The following MARCHF11 variants were observed in gnomAD, a reference collection of about 807,000 sequenced individuals.
MARCHF11 encodes membrane associated ring-CH-type finger 11.
MARCHF11 carries 29 observed loss-of-function variants against 37.3 expected under a neutral mutation model. The ratio of observed to expected loss-of-function variants is 0.78; its 90% confidence interval spans 0.58 to 1.06. The LOEUF is 1.06. Ranked by LOEUF, MARCHF11 falls within the 50% of genes least tolerant of loss-of-function variation. The probability of loss-of-function intolerance (pLI) is 0.00; values close to 1 mark genes in which losing one functional copy is unlikely to be tolerated. For synonymous variants in MARCHF11, 233 were observed against 228.0 expected (o/e 1.02, Z -0.20); for missense variants, 482 against 533.4 (o/e 0.90, Z 0.95).
intron 2 of MARCHF11, among the ~76,000 whole-genome samples, chr5:16,118,278 G>A (rs948457705): frequency 2.6e-5 from 4 of 152,300 alleles, no homozygotes; most frequent in African/African-American, 4.8e-5. Flanking sequence ...CAAGCTAATC[G>A]GGGAACCAAT....
chr5:16,084,430 G>A (rs2126551976), intron 3 of MARCHF11, among the ~76,000 whole-genome samples: 1 of 152,272 alleles, frequency 6.6e-6, no homozygotes, highest in East Asian at 1.9e-4. Context: ...GTCACTTGAG[G>A]TCAGGAGTTG....
intron 2 of MARCHF11, among the ~76,000 whole-genome samples, chr5:16,141,769 A>T (rs1737712187): frequency 6.6e-6 from 1 of 152,216 alleles, no homozygotes; most frequent in African/African-American, 2.4e-5. Flanking sequence ...CAAAAACAAA[A>T]ACAAAAACAA....
chr5:16,085,784 C>G (rs1736686681), intron 3 of MARCHF11, among the ~76,000 whole-genome samples: 2 of 151,692 alleles, frequency 1.3e-5, no homozygotes, highest in South Asian at 4.2e-4. Context: ...AACCCCGTCT[C>G]TACTAAAAAT....
At chr5:16,148,165 G>A (rs896863289) in intron 2 of MARCHF11, among the ~76,000 whole-genome samples, 8 of 152,020 alleles carry the variant, frequency 5.3e-5, no homozygotes, top group South Asian at 2.1e-4. Flanking sequence ...ATAAATGATC[G>A]GAGGAGGAAT....
intron 2 of MARCHF11, among the ~76,000 whole-genome samples, chr5:16,167,554 C>T (rs1009948865): frequency 2.0e-5 from 3 of 152,032 alleles, no homozygotes; most frequent in African/African-American, 7.2e-5. Flanking sequence ...TTCGAGTGTG[C>T]TTTATCGGTC....
chr5:16,080,322 C>T (rs1170753413), intron 3 of MARCHF11, among the ~76,000 whole-genome samples: 1 of 152,140 alleles, frequency 6.6e-6, no homozygotes, highest in African/African-American at 2.4e-5. Flanking sequence ...TGCCTGACCC[C>T]ACTCCTTTTC....
intron 3 of MARCHF11, among the ~76,000 whole-genome samples, chr5:16,076,947 T>C (rs1031429845): frequency 6.6e-6 from 1 of 152,194 alleles, no homozygotes; most frequent in African/African-American, 2.4e-5. Flanking sequence ...TAAATTAAAA[T>C]CTCTTTTCTG....
intron 1 of MARCHF11, 64 bp from the exon 2 acceptor site, chr5:16,177,945 T>C: frequency 6.9e-7 from 1 of 1,456,256 alleles, no homozygotes. Context: ...AACCTAATGC[T>C]TCCTTTCTTT....
At chr5:16,142,142 G>T (rs1737716757) in intron 2 of MARCHF11, among the ~76,000 whole-genome samples, 1 of 152,170 alleles carries the variant, frequency 6.6e-6, no homozygotes. Context: ...CACTTGAAGG[G>T]CTGGCTTCAC....
At chr5:16,073,417 G>A (rs1295621793) in intron 3 of MARCHF11, among the ~76,000 whole-genome samples, 1 of 152,094 alleles carries the variant, frequency 6.6e-6, no homozygotes, top group Non-Finnish European at 1.5e-5. Flanking sequence ...GAGTGTAGAG[G>A]TAATCACTTT....
chr5:16,110,562 T>C (rs1194441722), intron 2 of MARCHF11, among the ~76,000 whole-genome samples: 3 of 152,200 alleles, frequency 2.0e-5, no homozygotes, highest in Non-Finnish European at 1.5e-5. Flanking sequence ...CTTTTAAATA[T>C]GTTTTTTAGA....
chr5:16,106,700 T>C (rs1737046458), intron 2 of MARCHF11, among the ~76,000 whole-genome samples: 1 of 152,182 alleles, frequency 6.6e-6, no homozygotes, highest in Non-Finnish European at 1.5e-5. Context: ...TATTTTTTGT[T>C]GTCATTACTG....
intron 2 of MARCHF11, among the ~76,000 whole-genome samples, chr5:16,096,898 C>A (rs1051879254): frequency 6.6e-6 from 1 of 152,166 alleles, no homozygotes; most frequent in African/African-American, 2.4e-5. Flanking sequence ...ATAGCACATG[C>A]GCAGAGGGAA....
intron 3 of MARCHF11, among the ~76,000 whole-genome samples, chr5:16,077,372 TTAA>T (rs1042798372): frequency 1.3e-5 from 2 of 152,178 alleles, no homozygotes; most frequent in Admixed American, 6.5e-5. Flanking sequence ...AAAAACGATT[TTAA>T]TAATTTTCAC....
chr5:16,114,335 T>C (rs1031155742), intron 2 of MARCHF11, among the ~76,000 whole-genome samples: 1 of 152,196 alleles, frequency 6.6e-6, no homozygotes, highest in Non-Finnish European at 1.5e-5. Flanking sequence ...AGCTAGTTTA[T>C]AATGTAACAA....
intron 2 of MARCHF11, among the ~76,000 whole-genome samples, chr5:16,172,103 C>T (rs963128376): frequency 6.6e-6 from 1 of 152,086 alleles, no homozygotes; most frequent in Non-Finnish European, 1.5e-5. Flanking sequence ...GCTCCTTTTA[C>T]CAGTGTTTCA....
intron 2 of MARCHF11, among the ~76,000 whole-genome samples, chr5:16,124,194 G>T (rs1737361532): frequency 6.6e-6 from 1 of 152,092 alleles, no homozygotes; most frequent in Non-Finnish European, 1.5e-5. Flanking sequence ...GAATTTACGA[G>T]AAGTTGTAAG....
chr5:16,120,568 A>G (rs565877369), intron 2 of MARCHF11, among the ~76,000 whole-genome samples: 1 of 152,370 alleles, frequency 6.6e-6, no homozygotes, highest in South Asian at 2.1e-4. Flanking sequence ...GTAAACTTAC[A>G]TTCACACCTT....
intron 2 of MARCHF11, among the ~76,000 whole-genome samples, chr5:16,170,674 C>T (rs747492598): frequency 2.0e-5 from 3 of 152,206 alleles, no homozygotes; most frequent in Non-Finnish European, 2.9e-5. Context: ...AAATATTCAC[C>T]GAATGCCCAC....
Sources: gnomAD v4.1 joint callset for allele counts (sites outside exome capture counted in the v4.1 genomes callset) on GRCh38, gnomAD v4.1.1 for gene constraint, MANE v1.5 for transcripts, NCBI Gene and HGNC (gene_info 2026-07-23, HGNC 2026-07-21) for gene names.